Variants in DCC observed in about 807,000 individuals in gnomAD.
The protein encoded by DCC is netrin receptor DCC.
DCC carries 58 observed loss-of-function variants against 172.5 expected under a neutral mutation model. The ratio of observed to expected loss-of-function variants is 0.34; its 90% confidence interval spans 0.27 to 0.42. The LOEUF (loss-of-function observed/expected upper bound fraction) is 0.42, where lower values mean the gene tolerates loss of function less well. Among genes scored for constraint, DCC ranks in the 10% least tolerant of loss-of-function variants. The probability of loss-of-function intolerance (pLI) is 1.00; values close to 1 mark genes in which losing one functional copy is unlikely to be tolerated. For synonymous variants in DCC, 709 were observed against 644.5 expected (o/e 1.10, Z -1.52); for missense variants, 1,740 against 1,791.0 (o/e 0.97, Z 0.51).
intron 12 of DCC, among the ~76,000 whole-genome samples, chr18:53,228,475 T>A (rs1407837831): frequency 6.6e-6 from 1 of 152,108 alleles, no homozygotes; most frequent in East Asian, 1.9e-4. Context: ...TCCAAATTAT[T>A]TGTCAGCCAA....
At chr18:52,807,085 C>T (rs2038099574) in intron 2 of DCC, among the ~76,000 whole-genome samples, 1 of 152,150 alleles carries the variant, frequency 6.6e-6, no homozygotes, top group Admixed American at 6.5e-5. Flanking sequence ...GTCCCAGCTA[C>T]TCGGGAGGCT....
At chr18:53,297,788 T>G (rs746783185) in intron 12 of DCC, among the ~76,000 whole-genome samples, 7 of 152,284 alleles carry the variant, frequency 4.6e-5, no homozygotes, top group Middle Eastern at 6.8e-3. Flanking sequence ...AAACACAATA[T>G]AATTTGGAGC....
chr18:52,776,918 A>G (rs889784700), intron 2 of DCC, among the ~76,000 whole-genome samples: 2 of 152,188 alleles, frequency 1.3e-5, no homozygotes, highest in Non-Finnish European at 2.9e-5. Flanking sequence ...TAGAAAGTTA[A>G]TTTTTGTAAC....
At chr18:53,329,519 TATA>T (rs1422508286) in intron 14 of DCC, among the ~76,000 whole-genome samples, 1 of 151,986 alleles carries the variant, frequency 6.6e-6, no homozygotes, top group Non-Finnish European at 1.5e-5. Flanking sequence ...CAACCTAAAA[TATA>T]ATATCTAGGA....
At chr18:52,721,188 T>C (rs1249370300) in intron 1 of DCC, among the ~76,000 whole-genome samples, 3 of 152,192 alleles carry the variant, frequency 2.0e-5, no homozygotes, top group African/African-American at 7.2e-5. Context: ...TTGTTTCCAT[T>C]GAAATCAACA....
intron 2 of DCC, among the ~76,000 whole-genome samples, chr18:52,844,351 T>C (rs564856874): frequency 7.0e-6 from 1 of 141,984 alleles, no homozygotes; most frequent in Non-Finnish European, 1.6e-5. Context: ...TAGATAGATA[T>C]AGATGTGAGC....
chr18:52,729,150 G>A (rs1014882529), intron 1 of DCC, among the ~76,000 whole-genome samples: 4 of 152,136 alleles, frequency 2.6e-5, no homozygotes, highest in Admixed American at 6.6e-5. Context: ...GCTGAATTTA[G>A]TATTCTGTTT....
At chr18:52,659,152 A>T (rs1016039919) in intron 1 of DCC, among the ~76,000 whole-genome samples, 1 of 152,218 alleles carries the variant, frequency 6.6e-6, no homozygotes, top group African/African-American at 2.4e-5. Flanking sequence ...GGTAAAGCAG[A>T]AACAGATGGA....
intron 26 of DCC, 52 bp downstream of exon 26, chr18:53,487,010 TG>T: frequency 6.2e-7 from 1 of 1,610,136 alleles, no homozygotes; most frequent in Non-Finnish European, 8.5e-7. Context: ...ATAGCAAAGG[TG>T]TCTTGTAAAA....
rs1911453137 is a variant in DCC at position 53,429,305 on chromosome 18, C to G, written c.3164-5839C>G. Among the ~76,000 whole-genome samples, 3 of 68,122 alleles carry G rather than the reference C, an allele frequency of 4.4e-5. No homozygotes were observed. In the East Asian group the frequency reaches 9.2e-4, roughly 21 times the overall value. 44.7% of individuals were successfully genotyped at this position (68,122 alleles called of 152,430 possible). On this transcript the variant is annotated intron_variant, in intron 21 of 28. Transcript: ENST00000442544. ...ACATGCATGCCTCAGACAGTCAAGA[C>G]CCATTATCAGGCTAAGATGTAAACC...
chr18:52,791,949 C>G (rs2037779083), intron 2 of DCC, among the ~76,000 whole-genome samples: 2 of 152,060 alleles, frequency 1.3e-5, no homozygotes, highest in African/African-American at 4.8e-5. Flanking sequence ...TAAAATCTGG[C>G]TTTGGAGGAT....
At chr18:52,731,153 C>A (rs565968326) in intron 1 of DCC, among the ~76,000 whole-genome samples, 1 of 152,084 alleles carries the variant, frequency 6.6e-6, no homozygotes, top group South Asian at 2.1e-4. Flanking sequence ...CTTCCTGATG[C>A]GAGTTATTGA....
At chr18:52,869,212 C>T (rs112971935) in intron 2 of DCC, among the ~76,000 whole-genome samples, 2,334 of 152,310 alleles carry the variant, frequency 0.015, 55 homozygotes, top group African/African-American at 0.05. Context: ...GAATAAGTTG[C>T]GCAGACAAGT....
At chr18:52,404,284 C>T (rs1378066792) in intron 1 of DCC, among the ~76,000 whole-genome samples, 1 of 152,016 alleles carries the variant, frequency 6.6e-6, no homozygotes, top group Non-Finnish European at 1.5e-5. Flanking sequence ...CATTGAGCAA[C>T]TCTTCCTTCC....
intron 9 of DCC, among the ~76,000 whole-genome samples, chr18:53,186,617 A>T (rs940963656): frequency 6.6e-6 from 1 of 152,212 alleles, no homozygotes; most frequent in Admixed American, 6.5e-5. Context: ...ATATTTTTCT[A>T]TGCAGTTCAT....
At position 52,986,756 on chromosome 18, in the gene DCC, G is replaced by A. The variant is rs568201960; in HGVS notation, c.985+61386G>A. ...CACACACATATATATACACACACAC[G>A]TGTAGTATATATATACACATACATA... On this transcript the variant is annotated intron_variant, in intron 5 of 28. Transcript: ENST00000442544. 1.3e-3 allele frequency among the ~76,000 whole-genome samples: 197 copies of A among 146,280 alleles called. 1 individual carries two copies. The highest frequency in any genetic ancestry group is 2.6e-3 in the East Asian group (13 of 4,998).
At chr18:53,269,657 C>T (rs1038491634) in intron 12 of DCC, among the ~76,000 whole-genome samples, 1 of 152,148 alleles carries the variant, frequency 6.6e-6, no homozygotes, top group Non-Finnish European at 1.5e-5. Flanking sequence ...ATTGTTGTTT[C>T]TCCTGATAGC....
chr18:52,376,565 G>A (rs1985358364), intron 1 of DCC, among the ~76,000 whole-genome samples: 1 of 152,042 alleles, frequency 6.6e-6, no homozygotes, highest in South Asian at 2.1e-4. Context: ...TGCAATAGAA[G>A]AAAGTATGCT....
At chr18:53,231,889 A>G (rs1020065757) in intron 12 of DCC, among the ~76,000 whole-genome samples, 2 of 152,152 alleles carry the variant, frequency 1.3e-5, no homozygotes, top group African/African-American at 4.8e-5. Context: ...ATATGTGCCA[A>G]AAGACTGATA....
Sources: gnomAD v4.1 joint callset for allele counts (sites outside exome capture counted in the v4.1 genomes callset) on GRCh38, gnomAD v4.1.1 for gene constraint, MANE v1.5 for transcripts, NCBI Gene and HGNC (gene_info 2026-07-23, HGNC 2026-07-21) for gene names.